The following PRR16 variants were observed in gnomAD, a reference collection of about 807,000 sequenced individuals.
The protein encoded by PRR16 is protein Largen.
PRR16 carries 6 observed loss-of-function variants against 18.2 expected under a neutral mutation model. That is an observed-to-expected ratio of 0.33 (90% CI 0.18 to 0.65). The LOEUF is 0.65. Ranked by LOEUF, PRR16 falls within the 30% of genes least tolerant of loss-of-function variation. PRR16 has a pLI of 0.74. For missense variants in PRR16, 412 were observed against 376.6 expected, an observed-to-expected ratio of 1.09 and a Z score of -0.78; for synonymous variants, 151 against 147.8, an observed-to-expected ratio of 1.02 and a Z score of -0.16.
chr5:120,528,469 C>G (rs1751442937), intron 1 of PRR16, among the ~76,000 whole-genome samples: 1 of 152,082 alleles, frequency 6.6e-6, no homozygotes, highest in African/African-American at 2.4e-5. Flanking sequence ...AGAAAAGAAC[C>G]TGACATAACA....
At chr5:120,639,567 G>A (rs183663091) in intron 1 of PRR16, among the ~76,000 whole-genome samples, 2 of 151,964 alleles carry the variant, frequency 1.3e-5, no homozygotes, top group East Asian at 3.9e-4. Context: ...TGCATCTATG[G>A]AGAAATGCAG....
the PRR16 span, among the ~76,000 whole-genome samples, chr5:120,763,830 G>T: frequency 2.0e-4 from 30 of 151,952 alleles, 1 homozygote; most frequent in South Asian, 5.6e-3. Flanking sequence ...ATTATAAATA[G>T]AATTGGGTTC....
chr5:120,567,453 T>A lies in PRR16; in HGVS notation c.159+102808T>A, dbSNP rs115430067. ...AATAGTCAGAGTACACAGAGGGTGG[T>A]AGGATATTATCATTATTACAACTTC... On this transcript the variant is annotated intron_variant, in intron 1 of 1. Transcript: ENST00000407149. Among the ~76,000 whole-genome samples the A allele has an allele frequency of 1.7e-3, 263 of 152,272 alleles. 1 individual carries two copies. The highest frequency in any genetic ancestry group is 6.0e-3 in the African/African-American group (250 of 41,550).
chr5:120,539,923 A>G (rs1580702802), intron 1 of PRR16, among the ~76,000 whole-genome samples: 2 of 152,140 alleles, frequency 1.3e-5, no homozygotes, highest in East Asian at 3.9e-4. Flanking sequence ...GTTTTATATT[A>G]TAGGTTCTTG....
intron 1 of PRR16, among the ~76,000 whole-genome samples, chr5:120,662,138 T>G (rs1756194170): frequency 6.6e-6 from 1 of 152,134 alleles, no homozygotes; most frequent in East Asian, 1.9e-4. Context: ...TCTAAAATAA[T>G]TGGCCTTTCA....
intron 1 of PRR16, among the ~76,000 whole-genome samples, chr5:120,606,569 C>T (rs892175346): frequency 1.6e-4 from 24 of 151,746 alleles, no homozygotes; most frequent in Middle Eastern, 3.4e-3. Flanking sequence ...CATTAATCAC[C>T]TAAAGTCACT....
At chr5:120,608,384 T>C (rs947743157) in intron 1 of PRR16, among the ~76,000 whole-genome samples, 8 of 152,204 alleles carry the variant, frequency 5.3e-5, no homozygotes, top group African/African-American at 1.9e-4. Context: ...GTAGGAATGT[T>C]GAAACCAGCA....
intron 1 of PRR16, among the ~76,000 whole-genome samples, chr5:120,638,917 G>A (rs1755333977): frequency 6.6e-6 from 1 of 152,034 alleles, no homozygotes; most frequent in Admixed American, 6.6e-5. Context: ...TATTTTAGAG[G>A]AGTTGAGGTA....
chr5:120,476,577 A>G (rs1749449604), intron 1 of PRR16, among the ~76,000 whole-genome samples: 1 of 152,174 alleles, frequency 6.6e-6, no homozygotes. Flanking sequence ...TGCATGTAAT[A>G]CTTATTAGGG....
intron 1 of PRR16, among the ~76,000 whole-genome samples, chr5:120,658,938 G>A (rs1756079775): frequency 6.6e-6 from 1 of 151,480 alleles, no homozygotes; most frequent in South Asian, 2.1e-4. Context: ...CCCAGTCCTT[G>A]CCAACTTCTT....
the PRR16 span, among the ~76,000 whole-genome samples, chr5:120,763,215 C>T: frequency 1.3e-5 from 2 of 151,878 alleles, no homozygotes; most frequent in African/African-American, 2.4e-5. Flanking sequence ...GGCATGATAT[C>T]GGCTCACTGC....
the PRR16 span, among the ~76,000 whole-genome samples, chr5:120,794,517 T>C: frequency 6.6e-6 from 1 of 152,156 alleles, no homozygotes; most frequent in Non-Finnish European, 1.5e-5. Flanking sequence ...TTGTAATTGT[T>C]TTTGGGTGCC....
the PRR16 span, among the ~76,000 whole-genome samples, chr5:120,699,388 G>A: frequency 7.2e-5 from 11 of 152,054 alleles, no homozygotes; most frequent in Admixed American, 1.3e-4. Context: ...GGAAATTTGG[G>A]GAAATGGGGT....
chr5:120,643,488 A>G (rs1004306574), intron 1 of PRR16, among the ~76,000 whole-genome samples: 1 of 152,142 alleles, frequency 6.6e-6, no homozygotes. Flanking sequence ...ATATTCACTC[A>G]TTGTTTTATT....
chr5:120,622,560 C>T (rs2112824064), intron 1 of PRR16, among the ~76,000 whole-genome samples: 1 of 152,142 alleles, frequency 6.6e-6, no homozygotes, highest in Admixed American at 6.6e-5. Flanking sequence ...CTCACTGCAA[C>T]CTCCACCTCC....
the PRR16 span, among the ~76,000 whole-genome samples, chr5:120,720,610 A>G: frequency 6.6e-6 from 1 of 152,020 alleles, no homozygotes; most frequent in Non-Finnish European, 1.5e-5. Context: ...ATCCACTCTC[A>G]TTTCTCTTTC....
chr5:120,719,460 A>C, the PRR16 span, among the ~76,000 whole-genome samples: 1 of 152,124 alleles, frequency 6.6e-6, no homozygotes, highest in African/African-American at 2.4e-5. Flanking sequence ...TCACATAAAT[A>C]GCAGAAAACA....
chr5:120,484,876 A>G (rs1363453968), intron 1 of PRR16, among the ~76,000 whole-genome samples: 3 of 151,442 alleles, frequency 2.0e-5, no homozygotes. Context: ...GAGCTGTTTT[A>G]AAGAGTATAC....
the PRR16 span, among the ~76,000 whole-genome samples, chr5:120,725,292 A>ATTTGATGTT: frequency 1.5e-5 from 2 of 134,416 alleles, no homozygotes; most frequent in Non-Finnish European, 3.2e-5. Flanking sequence ...GTGGTTGTAA[A>ATTTGATGTT]TTTGATGTTG....
Sources: gnomAD v4.1 joint callset for allele counts (sites outside exome capture counted in the v4.1 genomes callset) on GRCh38, gnomAD v4.1.1 for gene constraint, MANE v1.5 for transcripts, NCBI Gene and HGNC (gene_info 2026-07-23, HGNC 2026-07-21) for gene names.